TBL1Y: variants seen among roughly 807,000 people sequenced by gnomAD.
TBL1Y encodes the protein transducin beta like 1 Y-linked.
Under a neutral mutation model 12.0 loss-of-function variants are expected in TBL1Y, and 15 were observed. The observed-to-expected ratio is 1.25, with a 90% CI of 0.83 to 1.92. The LOEUF is 1.92. Ranked by LOEUF, TBL1Y falls within the 40% of genes most tolerant of loss-of-function variation. The pLI is 0.00. For missense variants in TBL1Y, 148 were observed against 116.7 expected, an observed-to-expected ratio of 1.27 and a Z score of -1.24; for synonymous variants, 53 against 42.6, an observed-to-expected ratio of 1.24 and a Z score of -0.95.
chrY:7,063,577 T>C (rs1603046743), intron 7 of TBL1Y, among the ~76,000 whole-genome samples: 1 of 32,480 alleles, frequency 3.1e-5, no homozygotes, highest in Non-Finnish European at 7.5e-5. Context: ...GTGGAGCAGG[T>C]AATCTGAATG....
chrY:7,073,443 T>TTCTC (rs1448325498), intron 12 of TBL1Y, among the ~76,000 whole-genome samples: 11 of 28,424 alleles, frequency 3.9e-4, no homozygotes, highest in East Asian at 2.7e-3. Context: ...CATAAGGTCT[T>TTCTC]TCTCTCTCTC....
At chrY:7,065,159 G>C in intron 8 of TBL1Y, among the ~76,000 whole-genome samples, 1 of 33,274 alleles carries the variant, frequency 3.0e-5, no homozygotes, top group Admixed American at 2.7e-4. Flanking sequence ...TGAATTGGCT[G>C]CATCCCCACC....
At chrY:6,929,430 G>A (rs2011847898) in intron 2 of TBL1Y, among the ~76,000 whole-genome samples, 3 of 33,834 alleles carry the variant, frequency 8.9e-5, no homozygotes, top group Admixed American at 2.6e-4. Context: ...ACAGCACTCA[G>A]GCTTGGCTTC....
chrY:7,042,757 T>C, intron 6 of TBL1Y: 2 of 79,749 alleles, frequency 2.5e-5, no homozygotes. Flanking sequence ...TGTTCTAAGA[T>C]ACCAATTTTG....
At chrY:6,948,089 C>A in intron 2 of TBL1Y, among the ~76,000 whole-genome samples, 2 of 33,444 alleles carry the variant, frequency 6.0e-5, no homozygotes, top group Non-Finnish European at 1.5e-4. Context: ...AAAAATTAGA[C>A]ATAATTTTCA....
intron 4 of TBL1Y, among the ~76,000 whole-genome samples, chrY:6,999,639 GTTT>G (rs754791887): frequency 7.7e-5 from 1 of 13,004 alleles, no homozygotes; most frequent in African/African-American, 3.3e-4. Context: ...GCTTTCATTT[GTTT>G]TTTTTTTTTT....
At chrY:6,974,878 G>A in intron 2 of TBL1Y, among the ~76,000 whole-genome samples, 1 of 33,614 alleles carries the variant, frequency 3.0e-5, no homozygotes, top group Admixed American at 2.7e-4. Context: ...GTATGACCAG[G>A]TGTTTACAAT....
chrY:7,022,932 G>A (rs754536555), intron 5 of TBL1Y, among the ~76,000 whole-genome samples: 2 of 30,890 alleles, frequency 6.5e-5, no homozygotes, highest in East Asian at 1.7e-3. Flanking sequence ...TATTCTAAAT[G>A]TGAGAGGGAT....
intron 14 of TBL1Y, among the ~76,000 whole-genome samples, chrY:7,085,161 T>TACACAC (rs35028329): frequency 5.9e-5 from 1 of 16,919 alleles, no homozygotes; most frequent in Non-Finnish European, 1.3e-4. Flanking sequence ...CTGTAAAAAA[T>TACACAC]ACACACACAC....
chrY:6,988,248 C>G (rs1008503855), intron 3 of TBL1Y, among the ~76,000 whole-genome samples: 5 of 33,569 alleles, frequency 1.5e-4, no homozygotes, highest in Non-Finnish European at 2.9e-4. Context: ...GGATAAACAC[C>G]TTTCTTGACT....
At chrY:6,958,502 A>G (rs974014168) in intron 2 of TBL1Y, among the ~76,000 whole-genome samples, 1 of 33,226 alleles carries the variant, frequency 3.0e-5, no homozygotes, top group Non-Finnish European at 7.4e-5. Flanking sequence ...GAGAAACAAC[A>G]GTGGGCCCAG....
chrY:6,988,669 A>AATAAATAC (rs1377230935), intron 3 of TBL1Y, among the ~76,000 whole-genome samples: 17 of 28,907 alleles, frequency 5.9e-4, no homozygotes, highest in Non-Finnish European at 1.2e-3. Flanking sequence ...CAAAAACATA[A>AATAAATAC]ATAAATAAAT....
chrY:7,064,672 G>A, intron 8 of TBL1Y, among the ~76,000 whole-genome samples: 2 of 33,610 alleles, frequency 6.0e-5, no homozygotes, highest in Admixed American at 5.4e-4. Context: ...CAGAGAACCT[G>A]CCCCACTTGG....
At chrY:7,011,035 G>A (rs2012517011) in intron 4 of TBL1Y, among the ~76,000 whole-genome samples, 1 of 34,547 alleles carries the variant, frequency 2.9e-5, no homozygotes, top group Non-Finnish European at 7.3e-5. Flanking sequence ...AGAATACACT[G>A]TACAGAACTT....
intron 7 of TBL1Y, among the ~76,000 whole-genome samples, chrY:7,044,064 A>G (rs911613571): frequency 3.0e-5 from 1 of 32,997 alleles, no homozygotes; most frequent in South Asian, 6.9e-4. Context: ...AGTTTTATAC[A>G]AATTTTGGTT....
chrY:6,963,320 C>A, intron 2 of TBL1Y, among the ~76,000 whole-genome samples: 1 of 33,113 alleles, frequency 3.0e-5, no homozygotes, highest in Non-Finnish European at 7.4e-5. Context: ...AACTGCTTTC[C>A]CTGAATAGTA....
intron 2 of TBL1Y, among the ~76,000 whole-genome samples, chrY:6,951,160 T>C: frequency 3.0e-5 from 1 of 33,413 alleles, no homozygotes; most frequent in African/African-American, 1.2e-4. Flanking sequence ...GTTGTGTCTC[T>C]GCCAGGCTTT....
At chrY:6,928,171 G>A (rs2011840274) in intron 2 of TBL1Y, among the ~76,000 whole-genome samples, 1 of 33,892 alleles carries the variant, frequency 3.0e-5, no homozygotes, top group Non-Finnish European at 7.3e-5. Context: ...GTTTAACTGA[G>A]AGGATTGACA....
chrY:6,982,062 A>C (rs2012286889), intron 3 of TBL1Y, among the ~76,000 whole-genome samples: 1 of 33,630 alleles, frequency 3.0e-5, no homozygotes, highest in Non-Finnish European at 7.3e-5. Flanking sequence ...GGCCGTGGGA[A>C]TATAGAAAAA....
Sources: allele counts gnomAD v4.1 joint callset (sites outside exome capture counted in the v4.1 genomes callset), GRCh38; gene constraint gnomAD v4.1.1; transcripts MANE v1.5; gene names NCBI Gene and HGNC (gene_info 2026-07-23, HGNC 2026-07-21).